Variants in TENM3 observed in about 807,000 individuals in gnomAD.
TENM3 encodes the protein teneurin transmembrane protein 3.
Under a neutral mutation model 255.1 loss-of-function variants are expected in TENM3, and 63 were observed. The observed-to-expected ratio is 0.25, with a 90% CI of 0.20 to 0.30. TENM3 has a LOEUF of 0.30. Ranked by LOEUF, TENM3 falls within the 10% of genes least tolerant of loss-of-function variation. TENM3 has a pLI of 1.00. For synonymous variants in TENM3, 1,306 were observed against 1,322.3 expected, an observed-to-expected ratio of 0.99 and a Z score of 0.27; for missense variants, 2,929 against 3,461.1, an observed-to-expected ratio of 0.85 and a Z score of 3.86.
chr4:182,529,193 A>C (rs1222435258), intron 3 of TENM3, among the ~76,000 whole-genome samples: 2 of 152,192 alleles, frequency 1.3e-5, no homozygotes, highest in East Asian at 3.9e-4. Context: ...GGCTAGTGCC[A>C]TAATTGAACC....
chr4:182,715,472 A>AC (rs1221470591), intron 13 of TENM3, among the ~76,000 whole-genome samples: 1 of 152,202 alleles, frequency 6.6e-6, no homozygotes, highest in Non-Finnish European at 1.5e-5. Context: ...ATAAAATAGG[A>AC]ATAAAAGAGT....
At chr4:181,699,222 G>C in the TENM3 span, among the ~76,000 whole-genome samples, 2 of 151,884 alleles carry the variant, frequency 1.3e-5, no homozygotes, top group South Asian at 2.1e-4. Context: ...CTTGAGGCCA[G>C]GGGTTTGAGG....
At chr4:182,771,206 C>T (rs1308290785) in intron 22 of TENM3, among the ~76,000 whole-genome samples, 1 of 152,166 alleles carries the variant, frequency 6.6e-6, no homozygotes, top group African/African-American at 2.4e-5. Context: ...GAAATGCTTT[C>T]TACAGGAGAA....
At chr4:182,347,061 C>A (rs1764875227) in intron 3 of TENM3, 132 bp downstream of exon 3, 3 of 870,006 alleles carry the variant, frequency 3.4e-6, no homozygotes, top group South Asian at 2.0e-5. Flanking sequence ...TTGTCCATTT[C>A]TTTTTGTTTT....
At chr4:182,727,824 C>T (rs551590431) in intron 13 of TENM3, among the ~76,000 whole-genome samples, 1 of 151,032 alleles carries the variant, frequency 6.6e-6, no homozygotes, top group African/African-American at 2.4e-5. Context: ...TGGGAAATGC[C>T]TGATTTTATC....
intron 1 of TENM3, among the ~76,000 whole-genome samples, chr4:182,250,109 G>A (rs1161181917): frequency 6.9e-6 from 1 of 145,734 alleles, no homozygotes; most frequent in East Asian, 2.0e-4. Flanking sequence ...CTGGAGTGCA[G>A]TGGTGCGATC....
At chr4:181,570,848 C>T in the TENM3 span, among the ~76,000 whole-genome samples, 2 of 152,104 alleles carry the variant, frequency 1.3e-5, no homozygotes, top group Admixed American at 6.6e-5. Flanking sequence ...GGGGATGGAG[C>T]GAGAGAAGGT....
At chr4:181,538,073 G>A in the TENM3 span, among the ~76,000 whole-genome samples, 1 of 152,012 alleles carries the variant, frequency 6.6e-6, no homozygotes, top group African/African-American at 2.4e-5. Context: ...AAAATTTATT[G>A]GCACAATATT....
At chr4:181,576,650 G>C in the TENM3 span, among the ~76,000 whole-genome samples, 1 of 152,038 alleles carries the variant, frequency 6.6e-6, no homozygotes, top group Non-Finnish European at 1.5e-5. Flanking sequence ...GGAAGGACCT[G>C]GGTGTTGAAT....
At chr4:182,582,105 C>T (rs183932530) in intron 3 of TENM3, among the ~76,000 whole-genome samples, 1 of 152,312 alleles carries the variant, frequency 6.6e-6, no homozygotes, top group East Asian at 1.9e-4. Flanking sequence ...AAGAATGCTT[C>T]TGCTATCACG....
chr4:182,311,423 T>A (rs548601961), intron 1 of TENM3, among the ~76,000 whole-genome samples: 7 of 152,214 alleles, frequency 4.6e-5, no homozygotes, highest in South Asian at 2.1e-4. Flanking sequence ...CTCTCTTTTT[T>A]ACTTCTTAAA....
chr4:182,004,396 C>A, the TENM3 span, among the ~76,000 whole-genome samples: 2 of 152,184 alleles, frequency 1.3e-5, no homozygotes, highest in African/African-American at 4.8e-5. Flanking sequence ...AGGACATGAT[C>A]TCATTCCTTT....
At chr4:182,739,576 T>A (rs897846925) in intron 18 of TENM3, among the ~76,000 whole-genome samples, 6 of 152,268 alleles carry the variant, frequency 3.9e-5, no homozygotes, top group Non-Finnish European at 8.8e-5. Flanking sequence ...CTTGACCATG[T>A]ACTACAATTA....
At chr4:181,936,448 A>C in the TENM3 span, among the ~76,000 whole-genome samples, 2 of 152,150 alleles carry the variant, frequency 1.3e-5, no homozygotes, top group East Asian at 3.9e-4. Context: ...GAATTAATTA[A>C]TTAGTTAATT....
Position 182,534,203 on chromosome 4 carries a change from C to T in TENM3, c.512-66721C>T, listed in dbSNP as rs566120257. Among the ~76,000 whole-genome samples, 30 of 152,136 alleles carry T rather than the reference C, an allele frequency of 2.0e-4. No individual in the cohort carries two copies. In the South Asian group the frequency reaches 6.0e-3, roughly 31 times the overall value. ...TAAACATGCATTCAGAGGAACATGCCCAGCTACTTCAGCATGTCAGAGGGA... is the reference window on the plus strand; with the variant it reads ...TAAACATGCATTCAGAGGAACATGCTCAGCTACTTCAGCATGTCAGAGGGA... On this transcript the variant is annotated intron_variant, in intron 3 of 27. Transcript: ENST00000511685.
the TENM3 span, among the ~76,000 whole-genome samples, chr4:181,454,657 C>T: frequency 1.4e-4 from 3 of 21,770 alleles, no homozygotes; most frequent in Non-Finnish European, 2.8e-4. Flanking sequence ...TGTGCCTTTT[C>T]TATGTTTTTT....
the TENM3 span, among the ~76,000 whole-genome samples, chr4:181,979,824 G>A: frequency 6.6e-6 from 1 of 152,148 alleles, no homozygotes; most frequent in Non-Finnish European, 1.5e-5. Context: ...AACTGAGGTG[G>A]TTTTCTTTCT....
Position 182,594,906 on chromosome 4 carries a change from T to TGG in TENM3, c.512-6015_512-6014dup, listed in dbSNP as rs150120258. Among the ~76,000 whole-genome samples the TGG allele has an allele frequency of 2.0e-5, 3 of 151,834 alleles. No individual in the cohort carries two copies. In the East Asian group the frequency reaches 5.8e-4, roughly 30 times the overall value. The stretch of plus-strand genomic sequence containing the variant: ...AGCTAATTTTTGTATTCAGTAGAGG[T>TGG]GGGGTTTCACCATGTTGGCCAGGCT... On this transcript the variant is annotated intron_variant, in intron 3 of 27. Coordinates refer to ENST00000511685, the MANE Select transcript of TENM3 (RefSeq NM_001080477.4).
the TENM3 span, among the ~76,000 whole-genome samples, chr4:181,744,135 C>T: frequency 1.3e-5 from 2 of 152,144 alleles, no homozygotes; most frequent in African/African-American, 2.4e-5. Flanking sequence ...CCATCCATGT[C>T]GCTGCAAAGG....
Sources: allele counts gnomAD v4.1 joint callset (sites outside exome capture counted in the v4.1 genomes callset), GRCh38; gene constraint gnomAD v4.1.1; transcripts MANE v1.5; gene names NCBI Gene and HGNC (gene_info 2026-07-23, HGNC 2026-07-21).